Variants in AFDN observed in about 807,000 individuals in gnomAD.
AFDN encodes afadin, adherens junction formation factor.
In AFDN, 68 loss-of-function variants were observed where a neutral mutation model predicts 216.6. The ratio of observed to expected loss-of-function variants is 0.31; its 90% CI spans 0.26 to 0.38. The LOEUF (loss-of-function observed/expected upper bound fraction) is 0.38, where lower values mean the gene tolerates loss of function less well. AFDN is among the 10% of genes least tolerant of loss of function. The pLI, the probability that AFDN is intolerant of heterozygous loss-of-function variation, is 1.00. For missense variants in AFDN, 2,136 were observed against 2,342.0 expected, an observed-to-expected ratio of 0.91 and a Z score of 1.82; for synonymous variants, 868 against 853.7, an observed-to-expected ratio of 1.02 and a Z score of -0.29.
Position 167,893,901 on chromosome 6 carries a change from AC to A in AFDN, c.1218del (p.Tyr406Ter). The A allele has an allele frequency of 6.3e-7, 1 of 1,585,500 alleles. No individual in the cohort carries two copies. Among genetic ancestry groups the A allele is most frequent in the Non-Finnish European group, 8.6e-7 (1 of 1,163,694 alleles). Reference sequence around the variant, plus strand: ...TTTGCCTACTACAACTATCACACTTACGAAGGTAATGCTATGCTTACTACTA... The same window carrying A: ...TTTGCCTACTACAACTATCACACTTAGAAGGTAATGCTATGCTTACTACTA... ...NHFAYYNYHT[Y>X]EDGSDSRDKP... On this transcript the variant is annotated frameshift_variant, in exon 9 of 34. Transcript: ENST00000683244. LOFTEE classifies it high-confidence loss of function.
chr6:167,840,218 G>A (rs1233744691), intron 1 of AFDN, among the ~76,000 whole-genome samples: 3 of 152,208 alleles, frequency 2.0e-5, no homozygotes, highest in Non-Finnish European at 4.4e-5. Flanking sequence ...AAAGGGGTAA[G>A]GCTTGAGACC....
At chr6:167,905,580 A>T (rs2128424804) in intron 12 of AFDN, among the ~76,000 whole-genome samples, 1 of 152,182 alleles carries the variant, frequency 6.6e-6, no homozygotes, top group East Asian at 1.9e-4. Flanking sequence ...ACACAATTGG[A>T]TATATTTGTC....
At chr6:167,969,064 C>T (rs762059469) in intron 32 of AFDN, 50 bp from the exon 33 acceptor site, 20 of 1,411,984 alleles carry the variant, frequency 1.4e-5, no homozygotes, top group Non-Finnish European at 2.0e-5. Context: ...ATGAGTAAAG[C>T]TTAGAAATAA....
chr6:167,899,283 G>GT (rs1788653908), intron 11 of AFDN, among the ~76,000 whole-genome samples: 2 of 152,112 alleles, frequency 1.3e-5, no homozygotes, highest in African/African-American at 2.4e-5. Flanking sequence ...GTTCACAGCT[G>GT]TTTAAGATCC....
At chr6:167,942,084 T>G in intron 23 of AFDN, among the ~76,000 whole-genome samples, 1 of 152,186 alleles carries the variant, frequency 6.6e-6, no homozygotes, top group East Asian at 1.9e-4. Flanking sequence ...TGGTTTGGTT[T>G]GGTTTGGTTT....
intron 13 of AFDN, among the ~76,000 whole-genome samples, chr6:167,907,491 A>G (rs887797437): frequency 2.0e-5 from 3 of 152,236 alleles, no homozygotes; most frequent in Admixed American, 2.0e-4. Flanking sequence ...TATATGCCAC[A>G]GTGTTATCAG....
rs367819952 is a variant in AFDN, at chr6:167,884,555, C to A, written c.897+4038C>A. 1.1e-4 allele frequency among the ~76,000 whole-genome samples: 17 copies of A among 152,248 alleles called. No homozygotes were observed. In the East Asian group the frequency reaches 1.7e-3, roughly 16 times the overall value. ...CCACCAGAGCCTGGGTGACTAGGTG[C>A]CTTGTCAGTGAGCAGTAATATTTTC... On this transcript the variant is annotated intron_variant, in intron 6 of 33. Transcript: ENST00000683244.
At chr6:167,844,379 C>G (rs935638104) in intron 1 of AFDN, among the ~76,000 whole-genome samples, 1 of 152,106 alleles carries the variant, frequency 6.6e-6, no homozygotes, top group Non-Finnish European at 1.5e-5. Flanking sequence ...AGGATATACA[C>G]TTTTCTGCAA....
rs192051019 is a variant in AFDN at position 167,867,871 on chromosome 6, G to C, written c.302-2515G>C. On this transcript the variant is annotated intron_variant, in intron 2 of 33. Coordinates refer to ENST00000683244, the MANE Select transcript of AFDN (RefSeq NM_001386888.1). ...ATATCATCATTGTTGTCATCATTAT[G>C]GTGTCATTTTTTATGGGGAGGGTGG... is the stretch of plus-strand genomic sequence containing the variant. 2.6e-3 allele frequency among the ~76,000 whole-genome samples: 401 copies of C among 152,192 alleles called. 4 individuals carry two copies. The highest frequency in any genetic ancestry group is 6.8e-3 in the Middle Eastern group (2 of 294).
rs138449430 is a variant in AFDN, at chr6:167,961,811, A to G, written c.4834-622A>G. 2.0e-3 allele frequency among the ~76,000 whole-genome samples: 311 copies of G among 152,256 alleles called. 1 individual carries two copies. The highest frequency in any genetic ancestry group is 7.2e-3 in the African/African-American group (300 of 41,562). ...GAGTCCATGGTGCAGAGTGTAGGGT[A>G]GTCCTGAGTCGGGAGGGAATTCTTG... On this transcript the variant is annotated intron_variant, in intron 30 of 33. Coordinates refer to ENST00000683244, the MANE Select transcript of AFDN (RefSeq NM_001386888.1).
chr6:167,931,211 T>C (rs1793258578), intron 23 of AFDN, among the ~76,000 whole-genome samples: 1 of 152,200 alleles, frequency 6.6e-6, no homozygotes, highest in South Asian at 2.1e-4. Flanking sequence ...GAGGGAAGTA[T>C]GATGAATCTC....
intron 1 of AFDN, among the ~76,000 whole-genome samples, chr6:167,847,114 A>G (rs1211498576): frequency 1.3e-5 from 2 of 152,180 alleles, no homozygotes; most frequent in Non-Finnish European, 2.9e-5. Flanking sequence ...CAAAGTCATT[A>G]AAGACTTTCA....
intron 6 of AFDN, among the ~76,000 whole-genome samples, chr6:167,885,352 G>A (rs886402459): frequency 1.3e-5 from 2 of 152,134 alleles, no homozygotes; most frequent in East Asian, 1.9e-4. Flanking sequence ...CTGGGCTTTC[G>A]ACATGCCTTT....
intron 1 of AFDN, among the ~76,000 whole-genome samples, chr6:167,829,381 A>G (rs1779581538): frequency 6.6e-6 from 1 of 152,138 alleles, no homozygotes; most frequent in African/African-American, 2.4e-5. Flanking sequence ...TAATATGAGT[A>G]ATTCTCTCAG....
intron 29 of AFDN, among the ~76,000 whole-genome samples, chr6:167,950,444 A>C (rs1352127201): frequency 6.6e-6 from 1 of 150,676 alleles, no homozygotes; most frequent in African/African-American, 2.5e-5. Flanking sequence ...TGTCTCTCAC[A>C]GACACACACA....
chr6:167,968,206 A>G (rs916802114), intron 32 of AFDN, among the ~76,000 whole-genome samples: 6 of 152,226 alleles, frequency 3.9e-5, no homozygotes, highest in Non-Finnish European at 7.3e-5. Flanking sequence ...AAATGTCTCC[A>G]TGCGGTAATT....
At chr6:167,957,348 C>A (rs143198405) in intron 30 of AFDN, among the ~76,000 whole-genome samples, 92 of 152,318 alleles carry the variant, frequency 6.0e-4, no homozygotes, top group African/African-American at 2.0e-3. Flanking sequence ...GAACAGTGAC[C>A]TTTGTCCAAG....
rs59521151 is a variant in AFDN, at chr6:167,956,114, CAAAAAAAAA to C, written c.4833+3945_4833+3953del. 1.4e-3 allele frequency among the ~76,000 whole-genome samples: 57 copies of C among 41,296 alleles called. 1 individual carries two copies. Among genetic ancestry groups the C allele is most frequent in the South Asian group, 2.7e-3 (2 of 732 alleles). The allele number at this position is 41,296 out of a possible 152,430, so 27.1% of individuals were successfully genotyped here. A position where few individuals can be genotyped will look rare whatever the true frequency, so the allele number is the denominator to read the frequency against. On this transcript the variant is annotated intron_variant, in intron 30 of 33. Coordinates refer to ENST00000683244, the MANE Select transcript of AFDN (RefSeq NM_001386888.1). ...TGGGGAACAGAGCGAGACTTTGGCT[CAAAAAAAAA>C]AAAAAAAAAAAAAAAAACTATAGAA...
At chr6:167,969,039 C>G (rs745999400) in intron 32 of AFDN, 75 bp from the exon 33 acceptor site, 11 of 1,135,092 alleles carry the variant, frequency 9.7e-6, no homozygotes, top group Non-Finnish European at 1.3e-5. Context: ...ATTCTCTGAG[C>G]ACTGCATCTT....
Sources: gnomAD v4.1 joint callset for allele counts (sites outside exome capture counted in the v4.1 genomes callset) on GRCh38, gnomAD v4.1.1 for gene constraint, MANE v1.5 for transcripts, NCBI Gene and HGNC (gene_info 2026-07-23, HGNC 2026-07-21) for gene names.